The following TYR variants were observed in gnomAD, a reference collection of about 807,000 sequenced individuals.
TYR encodes tyrosinase.
In TYR, 58 loss-of-function variants were observed where a neutral mutation model predicts 51.5. That is an observed-to-expected ratio of 1.13 (90% CI 0.91 to 1.40). TYR has a LOEUF of 1.40. Ranked by LOEUF, TYR falls within the 40% of genes most tolerant of loss-of-function variation. The probability of loss-of-function intolerance (pLI) is 0.00; values close to 1 mark genes in which losing one functional copy is unlikely to be tolerated. For missense variants in TYR, 732 were observed against 647.4 expected (o/e 1.13, Z -1.42); for synonymous variants, 263 against 235.2 (o/e 1.12, Z -1.08).
At chr11:89,274,142 G>T (rs1944623295) in intron 3 of TYR, among the ~76,000 whole-genome samples, 1 of 151,838 alleles carries the variant, frequency 6.6e-6, no homozygotes, top group Non-Finnish European at 1.5e-5. Flanking sequence ...GCCCCAGTTT[G>T]CAGAATTGTT....
chr11:89,226,550 A>G (rs892003835), intron 2 of TYR, among the ~76,000 whole-genome samples: 1 of 152,102 alleles, frequency 6.6e-6, no homozygotes, highest in Non-Finnish European at 1.5e-5. Flanking sequence ...ATAAGTTCAA[A>G]AGGAGGTAAA....
At chr11:89,278,887 T>C (rs1464963930) in intron 3 of TYR, among the ~76,000 whole-genome samples, 2 of 151,776 alleles carry the variant, frequency 1.3e-5, no homozygotes, top group Non-Finnish European at 3.0e-5. Flanking sequence ...TTTCAGACTT[T>C]CTTTGTTTTT....
At chr11:89,259,657 T>C (rs1359089099) in intron 3 of TYR, among the ~76,000 whole-genome samples, 1 of 152,080 alleles carries the variant, frequency 6.6e-6, no homozygotes, top group African/African-American at 2.4e-5. Context: ...GACCCCTGGA[T>C]CCCCTTTCAG....
chr11:89,182,317 C>T (rs1481032801), intron 1 of TYR, among the ~76,000 whole-genome samples: 2 of 152,202 alleles, frequency 1.3e-5, no homozygotes, highest in Non-Finnish European at 2.9e-5. Context: ...ATATTAAACT[C>T]TGCATGGGTA....
chr11:89,178,515 C>G lies in TYR; in HGVS notation c.562C>G (p.Leu188Val), dbSNP rs1040900593. Residue 188 changes from leucine (L) to valine (V), a missense_variant, in exon 1 of 5, where the codon CTG becomes GTG. Coordinates refer to ENST00000263321, the MANE Select transcript of TYR (RefSeq NM_000372.5). ...WMHYYVSMDALLGGSEIWRDI... is the reference protein window; with the variant it reads ...WMHYYVSMDAVLGGSEIWRDI... ...GCATTATTATGTGTCAATGGATGCA[C>G]TGCTTGGGGGATCTGAAATCTGGAG... 7 of 1,614,040 alleles carry G rather than the reference C, an allele frequency of 4.3e-6. No homozygotes were observed. The highest frequency in any genetic ancestry group is 1.6e-4 in the Middle Eastern group (1 of 6,084).
intron 4 of TYR, among the ~76,000 whole-genome samples, chr11:89,287,014 T>C (rs1219712354): frequency 6.6e-6 from 1 of 151,890 alleles, no homozygotes; most frequent in Admixed American, 6.6e-5. Flanking sequence ...GAATTCTGAC[T>C]CTCTTTCTCC....
chr11:89,182,590 T>A (rs1489436062), intron 1 of TYR, among the ~76,000 whole-genome samples: 1 of 152,200 alleles, frequency 6.6e-6, no homozygotes, highest in Non-Finnish European at 1.5e-5. Flanking sequence ...GTTAAATATG[T>A]TAAAATCAGG....
chr11:89,209,937 C>T (rs1438894918), intron 2 of TYR, among the ~76,000 whole-genome samples: 1 of 152,156 alleles, frequency 6.6e-6, no homozygotes, highest in Non-Finnish European at 1.5e-5. Flanking sequence ...ACAAACAGGA[C>T]ATCCAAAGCA....
chr11:89,185,083 A>G (rs988645256), intron 1 of TYR, among the ~76,000 whole-genome samples: 1 of 152,170 alleles, frequency 6.6e-6, no homozygotes, highest in African/African-American at 2.4e-5. Context: ...CCTTCAAATT[A>G]TTATTCTATA....
intron 2 of TYR, among the ~76,000 whole-genome samples, chr11:89,209,738 C>A (rs1299235268): frequency 6.6e-6 from 1 of 152,086 alleles, no homozygotes; most frequent in Non-Finnish European, 1.5e-5. Context: ...CAGGCAGGTG[C>A]CCCTCTGGGA....
chr11:89,288,897 G>T (rs12786829), intron 4 of TYR, among the ~76,000 whole-genome samples: 1 of 151,926 alleles, frequency 6.6e-6, no homozygotes, highest in Non-Finnish European at 1.5e-5. Context: ...AATTATTTAA[G>T]ATTTCTTGAT....
chr11:89,201,372 GATT>G (rs1943596854), intron 2 of TYR, among the ~76,000 whole-genome samples: 1 of 152,062 alleles, frequency 6.6e-6, no homozygotes, highest in African/African-American at 2.4e-5. Flanking sequence ...TGGGAAACAT[GATT>G]ATTTCAGCTC....
At chr11:89,180,645 T>C (rs967374927) in intron 1 of TYR, among the ~76,000 whole-genome samples, 1 of 151,936 alleles carries the variant, frequency 6.6e-6, no homozygotes, top group Non-Finnish European at 1.5e-5. Flanking sequence ...AATTGCTGTG[T>C]AGAAACAGGT....
At chr11:89,258,793 C>T (rs939225432) in intron 3 of TYR, among the ~76,000 whole-genome samples, 1 of 152,028 alleles carries the variant, frequency 6.6e-6, no homozygotes, top group African/African-American at 2.4e-5. Context: ...TATCTATTCC[C>T]ACTATACAGG....
intron 1 of TYR, among the ~76,000 whole-genome samples, chr11:89,186,084 T>A (rs1328467953): frequency 6.6e-6 from 1 of 152,102 alleles, no homozygotes; most frequent in East Asian, 1.9e-4. Flanking sequence ...GTGGGCATGC[T>A]TAGCCACAAT....
intron 3 of TYR, among the ~76,000 whole-genome samples, chr11:89,257,037 A>C (rs1944400603): frequency 6.6e-6 from 1 of 151,984 alleles, no homozygotes; most frequent in African/African-American, 2.4e-5. Context: ...TGCTGATAAG[A>C]AAGCTAGAAG....
At chr11:89,211,016 T>C (rs1168885985) in intron 2 of TYR, among the ~76,000 whole-genome samples, 1 of 152,034 alleles carries the variant, frequency 6.6e-6, no homozygotes, top group African/African-American at 2.4e-5. Flanking sequence ...ACACACCAAA[T>C]TGTAAAGACC....
At chr11:89,191,729 C>T (rs1247039218) in intron 2 of TYR, among the ~76,000 whole-genome samples, 1 of 151,990 alleles carries the variant, frequency 6.6e-6, no homozygotes, top group East Asian at 1.9e-4. Flanking sequence ...CACTGCATTC[C>T]AGCCTCGGTA....
chr11:89,201,631 C>T (rs1565395685), intron 2 of TYR, among the ~76,000 whole-genome samples: 3 of 152,194 alleles, frequency 2.0e-5, no homozygotes, highest in Non-Finnish European at 2.9e-5. Context: ...GTTGCCACTA[C>T]CTTGATTTGT....
Sources: gnomAD v4.1 joint callset for allele counts (sites outside exome capture counted in the v4.1 genomes callset) on GRCh38, gnomAD v4.1.1 for gene constraint, MANE v1.5 for transcripts, NCBI Gene and HGNC (gene_info 2026-07-23, HGNC 2026-07-21) for gene names.